Variants in CDH2 observed in about 807,000 individuals in gnomAD.
CDH2 encodes cadherin-2.
In CDH2, 17 loss-of-function variants were observed where a neutral mutation model predicts 92.0. That is an observed-to-expected ratio of 0.18 (90% CI 0.13 to 0.28). The LOEUF (loss-of-function observed/expected upper bound fraction) is 0.28. CDH2 is among the 10% of genes least tolerant of loss of function. CDH2 has a pLI of 1.00. For missense variants in CDH2, 862 were observed against 1,133.1 expected (o/e 0.76, Z 3.44); for synonymous variants, 419 against 415.9 (o/e 1.01, Z -0.09).
chr18:28,036,695 A>G, intron 2 of CDH2: 3 of 637,134 alleles, frequency 4.7e-6, no homozygotes, highest in Admixed American at 2.9e-5. Context: ...GACCGTCAGC[A>G]AAACAGAGAT....
At chr18:27,999,473 C>T (rs1489850340) in intron 7 of CDH2, among the ~76,000 whole-genome samples, 1 of 151,984 alleles carries the variant, frequency 6.6e-6, no homozygotes, top group African/African-American at 2.4e-5. Flanking sequence ...AAGGCACAAA[C>T]AGAAAGATTA....
At chr18:28,115,367 T>G (rs1173746177) in intron 2 of CDH2, among the ~76,000 whole-genome samples, 1 of 152,172 alleles carries the variant, frequency 6.6e-6, no homozygotes, top group Non-Finnish European at 1.5e-5. Context: ...AACTGGAAGA[T>G]GCAGGAATAT....
At chr18:27,952,841 C>T (rs1909531841) in intron 15 of CDH2, among the ~76,000 whole-genome samples, 1 of 152,096 alleles carries the variant, frequency 6.6e-6, no homozygotes, top group Non-Finnish European at 1.5e-5. Context: ...CTGTGTGAAG[C>T]AAATGACAAG....
chr18:28,007,192 A>ATATG (rs1342305400), intron 5 of CDH2, among the ~76,000 whole-genome samples: 1 of 145,608 alleles, frequency 6.9e-6, no homozygotes, highest in East Asian at 2.0e-4. Flanking sequence ...ATATATATAT[A>ATATG]TACGAGTATA....
At chr18:28,107,195 G>C (rs896793591) in intron 2 of CDH2, among the ~76,000 whole-genome samples, 6 of 151,672 alleles carry the variant, frequency 4.0e-5, no homozygotes, top group Non-Finnish European at 7.4e-5. Context: ...TTTCCTTTAT[G>C]AAACAATATA....
At chr18:27,961,695 G>A (rs1056946309) in intron 15 of CDH2, among the ~76,000 whole-genome samples, 1 of 152,130 alleles carries the variant, frequency 6.6e-6, no homozygotes, top group African/African-American at 2.4e-5. Flanking sequence ...GAGAAAAGAA[G>A]AGTATCAGGG....
Position 27,993,616 on chromosome 18 carries a change from T to C in CDH2, c.1042A>G (p.Ile348Val), listed in dbSNP as rs1274037988. 9 of 1,612,842 alleles carry C rather than the reference T, an allele frequency of 5.6e-6. No homozygotes were observed. In the African/African-American group the frequency reaches 9.3e-5, roughly 17 times the overall value. ...CCTTCCATGTCTGTAGCTTGAATTA[T>C]TAACGTATACTGTTGCACTTTCTAA... ...DREKVQQYTL[I>V]IQATDMEGNP... Residue 348 changes from isoleucine (I) to valine (V), a missense_variant, in exon 8 of 16, where the codon ATA becomes GTA. Coordinates refer to ENST00000269141, the MANE Select transcript of CDH2 (RefSeq NM_001792.5).
chr18:27,945,786 A>G (rs1477488513), intron 6 of CDH2, among the ~76,000 whole-genome samples: 2 of 152,166 alleles, frequency 1.3e-5, no homozygotes, highest in East Asian at 1.9e-4. Flanking sequence ...AACTGCAAAA[A>G]TCAAATCATT....
chr18:28,060,161 C>T (rs2014373831), intron 2 of CDH2, among the ~76,000 whole-genome samples: 1 of 122,904 alleles, frequency 8.1e-6, no homozygotes, highest in Non-Finnish European at 1.8e-5. Context: ...ATGCAAATTT[C>T]TATAATTCCT....
At chr18:28,121,142 A>C (rs2144271797) in intron 2 of CDH2, among the ~76,000 whole-genome samples, 1 of 152,286 alleles carries the variant, frequency 6.6e-6, no homozygotes, top group Non-Finnish European at 1.5e-5. Context: ...AATGACCGCA[A>C]GAAATCCTTA....
chr18:28,097,217 A>G lies in CDH2; in HGVS notation c.172+50456T>C, dbSNP rs184863456. The G allele has an allele frequency of 9.2e-5, 14 of 152,246 alleles. No homozygotes were observed. In the East Asian group the frequency reaches 1.5e-3, roughly 17 times the overall value. The allele number at this position is 152,246 out of a possible 1,614,324, so 9.4% of individuals were successfully genotyped here. On this transcript the variant is annotated intron_variant, in intron 2 of 15. Coordinates refer to ENST00000269141, the MANE Select transcript of CDH2 (RefSeq NM_001792.5). ...CTGTGTCTACAAGGAATCAATGTGT[A>G]TTTGTGTTTCTTAAATTTAGATACC...
At chr18:28,143,166 T>G (rs2015981478) in intron 2 of CDH2, among the ~76,000 whole-genome samples, 1 of 151,968 alleles carries the variant, frequency 6.6e-6, no homozygotes, top group Non-Finnish European at 1.5e-5. Context: ...GCTATTTCTG[T>G]TGACCAGATT....
chr18:28,042,821 T>C (rs538870185), intron 2 of CDH2, among the ~76,000 whole-genome samples: 8 of 152,100 alleles, frequency 5.3e-5, no homozygotes, highest in Non-Finnish European at 1.0e-4. Flanking sequence ...AAAATCAGAG[T>C]AAATGCTTCT....
chr18:27,956,392 T>C (rs1273476427), intron 15 of CDH2, among the ~76,000 whole-genome samples: 3 of 152,200 alleles, frequency 2.0e-5, no homozygotes, highest in African/African-American at 4.8e-5. Flanking sequence ...CTTGTATTTA[T>C]AGACTTCTGA....
At chr18:28,105,725 AT>A (rs1389523165) in intron 2 of CDH2, among the ~76,000 whole-genome samples, 2 of 152,204 alleles carry the variant, frequency 1.3e-5, no homozygotes, top group African/African-American at 2.4e-5. Context: ...ATTCAGAAAA[AT>A]ATCCACCCAC....
At chr18:28,045,482 T>G in intron 2 of CDH2, 4 of 461,734 alleles carry the variant, frequency 8.7e-6, no homozygotes, top group South Asian at 6.5e-5. Context: ...ATCATGGTCT[T>G]GTAAATGAAC....
At chr18:28,165,651 C>CA (rs1316114263) in intron 1 of CDH2, among the ~76,000 whole-genome samples, 3 of 151,304 alleles carry the variant, frequency 2.0e-5, no homozygotes, top group African/African-American at 7.3e-5. Flanking sequence ...CAAGTCCACA[C>CA]AAAAAACAAG....
chr18:28,139,039 T>G (rs1176044269), intron 2 of CDH2, among the ~76,000 whole-genome samples: 7 of 152,022 alleles, frequency 4.6e-5, no homozygotes, highest in Non-Finnish European at 2.9e-5. Flanking sequence ...GGCTTTCATT[T>G]TTATCCTCTC....
chr18:27,983,035 C>A lies in CDH2; in HGVS notation c.2258G>T (p.Arg753Leu). 6.2e-7 allele frequency: 1 copy of A among 1,612,402 alleles called. No individual in the cohort carries two copies. The highest frequency in any genetic ancestry group is 1.7e-5 in the Admixed American group (1 of 59,960). Residue 753 changes from arginine to leucine, a missense_variant, in exon 14 of 16, where the codon CGC becomes CTC. Coordinates refer to ENST00000269141, the MANE Select transcript of CDH2 (RefSeq NM_001792.5). ...ATCAATTAAAAGTTGTTTGGCCTGG[C>A]GTTCTTTATCCCGGCGTTTCATCCA... is the stretch of plus-strand genomic sequence containing the variant. ...VVWMKRRDKE[R>L]QAKQLLIDPE...
Sources: gnomAD v4.1 joint callset for allele counts (sites outside exome capture counted in the v4.1 genomes callset) on GRCh38, gnomAD v4.1.1 for gene constraint, MANE v1.5 for transcripts, NCBI Gene and HGNC (gene_info 2026-07-23, HGNC 2026-07-21) for gene names.